FAT1: variants seen among roughly 807,000 people sequenced by gnomAD.
FAT1 encodes protocadherin Fat 1.
Under a neutral mutation model 329.8 loss-of-function variants are expected in FAT1, and 171 were observed. That is an observed-to-expected ratio of 0.52 (90% CI 0.46 to 0.59). The LOEUF is 0.59. Among genes scored for constraint, FAT1 ranks in the 20% least tolerant of loss-of-function variants. FAT1 has a pLI of 0.00. For synonymous variants in FAT1, 2,233 were observed against 2,228.6 expected (o/e 1.00, Z -0.06); for missense variants, 5,672 against 5,774.4 (o/e 0.98, Z 0.57).
intron 1 of FAT1, among the ~76,000 whole-genome samples, chr4:186,723,224 G>A (rs1745538843): frequency 6.6e-6 from 1 of 152,232 alleles, no homozygotes; most frequent in African/African-American, 2.4e-5. Context: ...TGCACCTCCG[G>A]GCAGCGCTCC....
In FAT1 at chr4:186,628,161, G is replaced by A. The variant is rs775270329; in HGVS notation, c.4803C>T (p.Ile1601=). The A allele has an allele frequency of 3.7e-6, 6 of 1,613,586 alleles. No homozygotes were observed. Among genetic ancestry groups the A allele is most frequent in the South Asian group, 3.3e-5 (3 of 90,922 alleles). Residue 1601 remains isoleucine (I), a synonymous_variant, in exon 9 of 27, where the codon ATC becomes ATT. Transcript: ENST00000441802. The part of the protein sequence containing the change: ...KGKNAEVLYS[I]ESGNIGNSFM... ...TGAAGGCTCCAAAAGTACCTGACTC[G>A]ATCGAGTACAGCACTTCAGCATTTT...
At chr4:186,615,542 C>G (rs1015476470) in intron 11 of FAT1, among the ~76,000 whole-genome samples, 2 of 152,282 alleles carry the variant, frequency 1.3e-5, no homozygotes, top group African/African-American at 4.8e-5. Context: ...CATCACTTCA[C>G]TCTCTGATCT....
intron 9 of FAT1, among the ~76,000 whole-genome samples, chr4:186,624,847 C>T (rs890143504): frequency 1.3e-5 from 2 of 152,188 alleles, no homozygotes; most frequent in Non-Finnish European, 2.9e-5. Context: ...AGATGTCCAC[C>T]TCCATCTCCA....
rs2126492497 is a variant in FAT1, at chr4:186,618,216, C to T, written c.8370G>A (p.Val2790=). The T allele has an allele frequency of 6.2e-7, 1 of 1,613,992 alleles. No individual in the cohort carries two copies. The highest frequency in any genetic ancestry group is 1.1e-5 in the South Asian group (1 of 91,082). Residue 2790 remains valine, a synonymous_variant, in exon 10 of 27, where the codon GTG becomes GTA. Coordinates refer to ENST00000441802, the MANE Select transcript of FAT1 (RefSeq NM_005245.4). ...ARCTQDDHEM[V]ASVDVSIQVK... ...CTTGGATACTAACATCTACAGAAGC[C>T]ACCATCTCATGGTCATCTTGAGTGC... is the stretch of plus-strand genomic sequence containing the variant.
At chr4:186,717,006 A>C in intron 1 of FAT1, among the ~76,000 whole-genome samples, 1 of 152,148 alleles carries the variant, frequency 6.6e-6, no homozygotes, top group East Asian at 1.9e-4. Context: ...GCTGCAAGTC[A>C]TCCACCCACC....
Position 186,708,643 on chromosome 4 carries a change from A to G in FAT1, c.1185T>C (p.Tyr395=), listed in dbSNP as rs761026875. Residue 395 remains tyrosine, a synonymous_variant, in exon 2 of 27, where the codon TAT becomes TAC. Transcript: ENST00000441802. ...TTTTAAAAACATACCTCAAATGGGA[A>G]TAAGCAGGAATGGCCTTTACCATGA... ...PVVMVKAIPA[Y]SHLRYVFKST... The G allele has an allele frequency of 1.9e-6, 3 of 1,613,970 alleles. No individual in the cohort carries two copies. In the South Asian group the frequency reaches 3.3e-5, roughly 18 times the overall value.
At chr4:186,662,800 T>C (rs1463845468) in intron 3 of FAT1, among the ~76,000 whole-genome samples, 3 of 152,190 alleles carry the variant, frequency 2.0e-5, no homozygotes, top group Non-Finnish European at 4.4e-5. Flanking sequence ...AAAATAGCTT[T>C]ATAAAAGCAA....
intron 18 of FAT1, 130 bp downstream of exon 18, chr4:186,604,247 A>G (rs1157612162): frequency 8.7e-6 from 7 of 805,980 alleles, no homozygotes; most frequent in African/African-American, 1.7e-5. Flanking sequence ...ATGGCAAAAA[A>G]CAAAGACAGC....
intron 26 of FAT1, 90 bp from the exon 27 acceptor site, chr4:186,589,310 T>C (rs1738127588): frequency 5.8e-6 from 8 of 1,368,172 alleles, no homozygotes; most frequent in African/African-American, 5.8e-5. Flanking sequence ...GACACAAAGA[T>C]GCAACCGCAT....
At chr4:186,703,532 G>A (rs897835007) in intron 2 of FAT1, among the ~76,000 whole-genome samples, 1 of 152,198 alleles carries the variant, frequency 6.6e-6, no homozygotes, top group African/African-American at 2.4e-5. Context: ...ACCAACACTA[G>A]TAGCTTTAAG....
At chr4:186,688,354 T>TA (rs922254999) in intron 2 of FAT1, among the ~76,000 whole-genome samples, 8 of 152,084 alleles carry the variant, frequency 5.3e-5, no homozygotes, top group African/African-American at 1.9e-4. Context: ...GAGAAGCCTG[T>TA]AGAAGTTAAT....
intron 6 of FAT1, among the ~76,000 whole-genome samples, chr4:186,634,094 T>A (rs2126556938): frequency 6.6e-6 from 1 of 152,234 alleles, no homozygotes; most frequent in South Asian, 2.1e-4. Flanking sequence ...TGCCAATGAG[T>A]TACTTTCAAT....
At chr4:186,677,701 G>T (rs1408368260) in intron 2 of FAT1, among the ~76,000 whole-genome samples, 1 of 151,892 alleles carries the variant, frequency 6.6e-6, no homozygotes, top group African/African-American at 2.4e-5. Context: ...GGTAACTGTG[G>T]GGCAGACAAA....
chr4:186,658,736 T>C (rs1371916605), intron 3 of FAT1, among the ~76,000 whole-genome samples: 2 of 152,156 alleles, frequency 1.3e-5, no homozygotes, highest in Non-Finnish European at 2.9e-5. Context: ...CATCAATCTA[T>C]TGTTACCATC....
rs1423289460 is a variant in FAT1, at chr4:186,618,587, C to T, written c.7999G>A (p.Glu2667Lys). 1.2e-6 allele frequency: 2 copies of T among 1,614,024 alleles called. No homozygotes were observed. The highest frequency in any genetic ancestry group is 1.7e-6 in the Non-Finnish European group (2 of 1,179,896). Residue 2667 changes from glutamate (E) to lysine (K), a missense_variant, in exon 10 of 27, where the codon GAA becomes AAA. By Grantham distance (56) the Glu-to-Lys change is moderately conservative. Around this residue, in one of 2 missense-constraint regions of FAT1, gnomAD observed 3,966 missense variants for 3,915.2 expected, o/e 1.01. Coordinates refer to ENST00000441802, the MANE Select transcript of FAT1 (RefSeq NM_005245.4). Reference sequence around the variant, plus strand: ...GCTCTAACAAAGAAAGTGAAGAATTCATTTTCCAAGCCAATGAGGCTCTCC... The same window carrying T: ...GCTCTAACAAAGAAAGTGAAGAATTTATTTTCCAAGCCAATGAGGCTCTCC... ...TKESLIGLEN[E>K]FFTFFVRAVD...
chr4:186,673,146 T>C (rs568632380), intron 2 of FAT1, among the ~76,000 whole-genome samples: 1 of 152,122 alleles, frequency 6.6e-6, no homozygotes, highest in Non-Finnish European at 1.5e-5. Context: ...CATACACAAT[T>C]ATATGTGCAG....
At chr4:186,721,183 A>G (rs1745454897) in intron 1 of FAT1, among the ~76,000 whole-genome samples, 1 of 152,238 alleles carries the variant, frequency 6.6e-6, no homozygotes, top group Non-Finnish European at 1.5e-5. Flanking sequence ...TCACATACAT[A>G]ATGAACCCTT....
rs1739318386 is a variant in FAT1, at chr4:186,609,852, G to T, written c.10017C>A (p.Thr3339=). ...CATCTTCACTGATGACTGTCGTGTA[G>T]GTGTCTTGGCTGAACACAGGGGTAT... ...NDNTPVFSQD[T]YTTVISEDAV... is the part of the protein sequence containing the mutation. The change falls in exon 15 of 27, where the codon ACC becomes ACA. Residue 3339 remains threonine (T), a synonymous_variant. Coordinates refer to ENST00000441802, the MANE Select transcript of FAT1 (RefSeq NM_005245.4). The T allele has an allele frequency of 6.2e-7, 1 of 1,613,792 alleles. No homozygotes were observed. The highest frequency in any genetic ancestry group is 8.5e-7 in the Non-Finnish European group (1 of 1,179,756).
chr4:186,707,133 C>T lies in FAT1; in HGVS notation c.2695G>A (p.Asp899Asn), dbSNP rs1744664040. ...AGCTGAGGCTCTTCTCTGGCTTGGT[C>T]CCTGGCCTCAATCTTTAAGGAGTGC... ...HEHSLKIEAR[D>N]QAREEPQLFS... The change falls in exon 2 of 27, where the codon GAC becomes AAC. Residue 899 changes from aspartate (D) to asparagine (N), a missense_variant. Physicochemically the swap from Asp to Asn is conservative, Grantham distance 23. Transcript: ENST00000441802. 9 of 1,613,812 alleles carry T rather than the reference C, an allele frequency of 5.6e-6. No homozygotes were observed. Among genetic ancestry groups the T allele is most frequent in the Non-Finnish European group, 7.6e-6 (9 of 1,179,878 alleles).
Sources: allele counts gnomAD v4.1 joint callset (sites outside exome capture counted in the v4.1 genomes callset), GRCh38; gene constraint gnomAD v4.1.1; regional missense constraint gnomAD v4.1.1; transcripts MANE v1.5; gene names NCBI Gene and HGNC (gene_info 2026-07-23, HGNC 2026-07-21).